ANO2: variants seen among roughly 807,000 people sequenced by gnomAD.
ANO2 encodes anoctamin-2.
In ANO2, 101 loss-of-function variants were observed where a neutral mutation model predicts 124.2. The observed-to-expected ratio is 0.81, with a 90% CI of 0.69 to 0.96. ANO2 has a LOEUF of 0.96. Among genes scored for constraint, ANO2 ranks in the 40% least tolerant of loss-of-function variants. ANO2 has a pLI of 0.00. For missense variants in ANO2, 1,293 were observed against 1,274.5 expected (o/e 1.01, Z -0.22); for synonymous variants, 486 against 482.5 (o/e 1.01, Z -0.09).
At chr12:5,655,664 T>C (rs1167939217) in intron 14 of ANO2, among the ~76,000 whole-genome samples, 1 of 152,232 alleles carries the variant, frequency 6.6e-6, no homozygotes, top group Non-Finnish European at 1.5e-5. Context: ...ATATCCCATT[T>C]AATTACTGCA....
At chr12:5,901,079 T>A (rs1940169152) in intron 3 of ANO2, among the ~76,000 whole-genome samples, 1 of 152,150 alleles carries the variant, frequency 6.6e-6, no homozygotes. Context: ...GAAATACACG[T>A]TTCCATACCG....
At chr12:5,906,794 A>AAAATAAAT (rs551277367) in intron 3 of ANO2, among the ~76,000 whole-genome samples, 140 of 151,334 alleles carry the variant, frequency 9.3e-4, no homozygotes, top group African/African-American at 3.1e-3. Context: ...ACTCTGTCTC[A>AAAATAAAT]AAATAAATAA....
At chr12:5,704,988 G>T (rs1433446456) in intron 14 of ANO2, among the ~76,000 whole-genome samples, 1 of 152,112 alleles carries the variant, frequency 6.6e-6, no homozygotes, top group Non-Finnish European at 1.5e-5. Flanking sequence ...CTTAGGGTCA[G>T]AAACATAATT....
At chr12:5,690,203 G>C (rs1428203954) in intron 14 of ANO2, among the ~76,000 whole-genome samples, 1 of 152,148 alleles carries the variant, frequency 6.6e-6, no homozygotes, top group East Asian at 1.9e-4. Flanking sequence ...ACACACTACA[G>C]GGAAAGTGGC....
chr12:5,572,359 A>G (rs1209084412), intron 23 of ANO2, among the ~76,000 whole-genome samples: 1 of 152,038 alleles, frequency 6.6e-6, no homozygotes, highest in African/African-American at 2.4e-5. Flanking sequence ...CCAGGCTGAC[A>G]TGGCCACATG....
chr12:5,578,243 A>G, intron 21 of ANO2, 123 bp downstream of exon 21: 1 of 1,392,856 alleles, frequency 7.2e-7, no homozygotes, highest in Non-Finnish European at 9.8e-7. Flanking sequence ...TATGAGGATG[A>G]GGGACCCAAA....
chr12:5,744,046 G>A (rs1396625240), intron 12 of ANO2, 111 bp downstream of exon 12: 1 of 1,318,140 alleles, frequency 7.6e-7, no homozygotes, highest in Non-Finnish European at 1.1e-6. Flanking sequence ...CTTGTGATGG[G>A]AAGAAAAAAT....
intron 20 of ANO2, among the ~76,000 whole-genome samples, chr12:5,589,037 AG>A (rs1460722269): frequency 6.6e-6 from 1 of 152,206 alleles, no homozygotes; most frequent in East Asian, 1.9e-4. Context: ...GCAGATGTGA[AG>A]GGGCTTTTAC....
At chr12:5,931,909 A>G (rs369703169) in intron 1 of ANO2, among the ~76,000 whole-genome samples, 7 of 122,754 alleles carry the variant, frequency 5.7e-5, no homozygotes, top group African/African-American at 1.9e-4. Flanking sequence ...AGGAAGGAAG[A>G]CTGGTAAGAA....
At chr12:5,847,418 T>C (rs1954716025) in intron 4 of ANO2, among the ~76,000 whole-genome samples, 1 of 151,378 alleles carries the variant, frequency 6.6e-6, no homozygotes, top group African/African-American at 2.4e-5. Context: ...CCACCATAAT[T>C]GTATTAATCA....
chr12:5,602,322 C>T (rs1379308153), intron 19 of ANO2, among the ~76,000 whole-genome samples: 3 of 151,720 alleles, frequency 2.0e-5, no homozygotes, highest in Non-Finnish European at 4.4e-5. Flanking sequence ...GTGATTTCGG[C>T]TCACTTCAAC....
At chr12:5,794,342 T>C (rs977105520) in intron 10 of ANO2, among the ~76,000 whole-genome samples, 1 of 152,190 alleles carries the variant, frequency 6.6e-6, no homozygotes, top group African/African-American at 2.4e-5. Context: ...TTGGGCCAGG[T>C]TGGCAGGGAA....
At chr12:5,834,993 AG>A (rs1158633610) in intron 4 of ANO2, among the ~76,000 whole-genome samples, 1 of 152,116 alleles carries the variant, frequency 6.6e-6, no homozygotes, top group Admixed American at 6.6e-5. Context: ...ATGGATGCGT[AG>A]TATTACACAG....
At chr12:5,837,201 AG>A (rs1316624110) in intron 4 of ANO2, among the ~76,000 whole-genome samples, 1 of 103,184 alleles carries the variant, frequency 9.7e-6, no homozygotes, top group Non-Finnish European at 2.3e-5. Context: ...CCAGGAGTGC[AG>A]CATCCACGGG....
At chr12:5,638,230 TCTTTTC>T (rs1234760493) in intron 15 of ANO2, among the ~76,000 whole-genome samples, 3 of 134,614 alleles carry the variant, frequency 2.2e-5, no homozygotes, top group African/African-American at 8.2e-5. Context: ...TAGCACTGTT[TCTTTTC>T]CTTTTTTTTT....
intron 14 of ANO2, among the ~76,000 whole-genome samples, chr12:5,714,138 A>G (rs954627515): frequency 6.6e-5 from 10 of 152,206 alleles, no homozygotes; most frequent in Non-Finnish European, 1.3e-4. Context: ...CAAGTAGATT[A>G]TCTGCCACTC....
At chr12:5,672,416 T>A (rs1252303476) in intron 14 of ANO2, among the ~76,000 whole-genome samples, 1 of 152,230 alleles carries the variant, frequency 6.6e-6, no homozygotes, top group Non-Finnish European at 1.5e-5. Flanking sequence ...GTCTTCATGT[T>A]CTGCAGTCTG....
At chr12:5,725,140 C>T (rs914854683) in intron 14 of ANO2, among the ~76,000 whole-genome samples, 4 of 151,500 alleles carry the variant, frequency 2.6e-5, no homozygotes, top group African/African-American at 7.3e-5. Flanking sequence ...CACAATCTCA[C>T]ACCACTGGCA....
intron 10 of ANO2, among the ~76,000 whole-genome samples, chr12:5,767,413 A>T (rs1049355728): frequency 6.6e-6 from 1 of 152,222 alleles, no homozygotes; most frequent in African/African-American, 2.4e-5. Flanking sequence ...TGCATGCAAA[A>T]TCACAAATGT....
Sources: gnomAD v4.1 joint callset for allele counts (sites outside exome capture counted in the v4.1 genomes callset) on GRCh38, gnomAD v4.1.1 for gene constraint, MANE v1.5 for transcripts, NCBI Gene and HGNC (gene_info 2026-07-23, HGNC 2026-07-21) for gene names.